The following DUS2 variants were observed in gnomAD, a reference collection of about 807,000 sequenced individuals.
DUS2 encodes the protein dihydrouridine synthase 2, also known as tRNA-dihydrouridine(20) synthase [NAD(P)+]-like.
Under a neutral mutation model 71.3 loss-of-function variants are expected in DUS2, and 52 were observed. That is an observed-to-expected ratio of 0.73 (90% CI 0.58 to 0.92). The LOEUF is 0.92. DUS2 is among the 40% of genes least tolerant of loss of function. The pLI, the probability that DUS2 is intolerant of heterozygous loss-of-function variation, is 0.00. For missense variants in DUS2, 558 were observed against 622.6 expected (o/e 0.90, Z 1.10); for synonymous variants, 204 against 227.8 (o/e 0.90, Z 0.94).
chr16:68,054,756 G>C lies in DUS2; in HGVS notation c.308+139G>C, dbSNP rs116124563. ...TTCTGTTTCCAGGTTAAGAGTGCCTGGTTTCCAGCCAGGTGCGGTGGCTCA... is the reference window on the plus strand; with the variant it reads ...TTCTGTTTCCAGGTTAAGAGTGCCTCGTTTCCAGCCAGGTGCGGTGGCTCA... On this transcript the variant is annotated intron_variant, in intron 6 of 16. Transcript: ENST00000565263. The C allele has an allele frequency of 1.2e-3, 1,328 of 1,067,468 alleles. 7 individuals carry two copies. In the African/African-American group the frequency reaches 0.018, roughly 15 times the overall value. The allele number at this position is 1,067,468 out of a possible 1,614,324, so 66.1% of individuals were successfully genotyped here.
Position 68,074,128 on chromosome 16 carries a change from A to C in DUS2, c.905A>C (p.His302Pro), listed in dbSNP as rs138890218. ...QLESPQGRLL[H>P]AAQSSREICE... is the part of the protein sequence containing the mutation. The stretch of plus-strand genomic sequence containing the variant: ...GAGTCGCCCCAGGGAAGGTTGCTCC[A>C]TGCTGCCCAGTCTTCCCGGGAAATT... Residue 302 changes from histidine to proline, a missense_variant, in exon 13 of 17, where the codon CAT (histidine) becomes CCT (proline). Coordinates refer to ENST00000565263, the MANE Select transcript of DUS2 (RefSeq NM_017803.5). 1.7e-4 allele frequency: 281 copies of C among 1,614,218 alleles called. 1 individual carries two copies. In the African/African-American group the frequency reaches 3.3e-3, roughly 19 times the overall value.
chr16:68,054,807 G>T (rs938191483), intron 6 of DUS2, among the ~76,000 whole-genome samples, 190 bp downstream of exon 6: 1 of 152,172 alleles, frequency 6.6e-6, no homozygotes. Flanking sequence ...CATTTTGGGA[G>T]GCTGAGGCAG....
At chr16:68,069,428 C>T (rs1206116687) in intron 10 of DUS2, among the ~76,000 whole-genome samples, 1 of 152,180 alleles carries the variant, frequency 6.6e-6, no homozygotes, top group East Asian at 1.9e-4. Context: ...GGGACATACT[C>T]AGACAAGAGC....
chr16:68,066,032 G>A (rs2151423643), intron 8 of DUS2, among the ~76,000 whole-genome samples: 1 of 152,270 alleles, frequency 6.6e-6, no homozygotes, highest in Middle Eastern at 3.4e-3. Context: ...GCTGCACACA[G>A]GTGTACACGC....
intron 8 of DUS2, 112 bp downstream of exon 8, chr16:68,061,225 C>A: frequency 8.6e-7 from 1 of 1,164,630 alleles, no homozygotes; most frequent in Non-Finnish European, 1.2e-6. Flanking sequence ...CCCAGTTTCT[C>A]TCCCTGAGGC....
Position 68,074,140 on chromosome 16 carries a change from C to T in DUS2, c.917C>T (p.Ser306Phe), listed in dbSNP as rs953935860. The change falls in exon 13 of 17, where the codon TCT (serine) becomes TTT (phenylalanine). Residue 306 changes from serine (S) to phenylalanine (F), a missense_variant. Ser to Phe is a radical substitution (Grantham distance 155). Coordinates refer to ENST00000565263, the MANE Select transcript of DUS2 (RefSeq NM_017803.5). Reference protein sequence around the residue: ...PQGRLLHAAQSSREICEAFGL... With the variant: ...PQGRLLHAAQFSREICEAFGL... ...GGAAGGTTGCTCCATGCTGCCCAGT[C>T]TTCCCGGGAAATTTGGTAAGAGGCA... 1 of 1,614,176 alleles carries T rather than the reference C, an allele frequency of 6.2e-7. No individual in the cohort carries two copies. The highest frequency in any genetic ancestry group is 8.5e-7 in the Non-Finnish European group (1 of 1,180,010).
intron 4 of DUS2, 94 bp downstream of exon 4, chr16:68,049,644 T>A: frequency 8.7e-7 from 1 of 1,152,134 alleles, no homozygotes; most frequent in Non-Finnish European, 1.3e-6. Context: ...GTGTCTTGCC[T>A]GGCTTCATTG....
At position 68,039,026 on chromosome 16, in the gene DUS2, C is replaced by T. The variant is rs373117752; in HGVS notation, c.126+877C>T. ...CCAGCCTGGGCAACGTAGTGAGACC[C>T]TGTCTCTACCAAAAAATAAAAATAT... On this transcript the variant is annotated intron_variant, in intron 3 of 16. Transcript: ENST00000565263. Among the ~76,000 whole-genome samples, 664 of 151,886 alleles carry T rather than the reference C, an allele frequency of 4.4e-3. 7 individuals are homozygous for T. The highest frequency in any genetic ancestry group is 0.015 in the African/African-American group (610 of 41,464).
intron 8 of DUS2, among the ~76,000 whole-genome samples, chr16:68,064,814 C>G (rs1389907461): frequency 6.6e-6 from 1 of 152,246 alleles, no homozygotes; most frequent in Non-Finnish European, 1.5e-5. Context: ...GCCTCTTGAT[C>G]TGATGTCTTC....
intron 2 of DUS2, among the ~76,000 whole-genome samples, chr16:68,034,035 T>G (rs963578596): frequency 6.6e-6 from 1 of 151,326 alleles, no homozygotes; most frequent in African/African-American, 2.4e-5. Context: ...CCCAAAGTGT[T>G]GGGATTATAG....
intron 8 of DUS2, among the ~76,000 whole-genome samples, chr16:68,065,449 G>A (rs1254810873): frequency 1.3e-5 from 2 of 151,850 alleles, no homozygotes; most frequent in Non-Finnish European, 2.9e-5. Flanking sequence ...AGGACTTTGG[G>A]AGGATAAAAC....
intron 2 of DUS2, among the ~76,000 whole-genome samples, chr16:68,029,807 A>G (rs115966692): frequency 0.027 from 4,030 of 151,768 alleles, 172 homozygotes; most frequent in African/African-American, 0.09. Flanking sequence ...TGACTTTCCA[A>G]ATTTGAATTT....
chr16:68,047,119 G>C (rs190291080), intron 3 of DUS2, among the ~76,000 whole-genome samples: 3 of 142,686 alleles, frequency 2.1e-5, no homozygotes, highest in Middle Eastern at 8.2e-3. Context: ...GCAGTGGTGC[G>C]GTCTTGGCTC....
chr16:68,075,566 C>T, intron 14 of DUS2, 62 bp downstream of exon 14: 1 of 1,503,138 alleles, frequency 6.7e-7, no homozygotes, highest in Non-Finnish European at 9.0e-7. Flanking sequence ...CCCACTGGGC[C>T]AGCACACTGG....
chr16:68,035,912 A>T (rs200157321), intron 2 of DUS2, among the ~76,000 whole-genome samples: 2 of 93,566 alleles, frequency 2.1e-5, no homozygotes, highest in African/African-American at 8.0e-5. Flanking sequence ...ATATATATAT[A>T]TATATATATA....
intron 15 of DUS2, 62 bp downstream of exon 15, chr16:68,076,781 C>A: frequency 1.4e-6 from 2 of 1,451,412 alleles, no homozygotes; most frequent in Non-Finnish European, 1.9e-6. Flanking sequence ...CTTACACCCT[C>A]AACTCTAGAT....
chr16:68,060,673 G>A (rs142050338), intron 7 of DUS2, among the ~76,000 whole-genome samples: 5,707 of 152,182 alleles, frequency 0.038, 117 homozygotes, highest in Middle Eastern at 0.15. Context: ...GTGAAACCCT[G>A]TCTCTACTAA....
At chr16:68,077,724 G>A (rs1376146303) in intron 15 of DUS2, among the ~76,000 whole-genome samples, 1 of 152,214 alleles carries the variant, frequency 6.6e-6, no homozygotes, top group African/African-American at 2.4e-5. Context: ...AGCCAATGGG[G>A]CACAGAATTG....
chr16:68,066,771 GA>G, intron 10 of DUS2, 135 bp downstream of exon 10: 2 of 859,256 alleles, frequency 2.3e-6, no homozygotes, highest in Non-Finnish European at 3.8e-6. Flanking sequence ...CTAGCTCTTT[GA>G]TATCTTATGA....
Sources: gnomAD v4.1 joint callset for allele counts (sites outside exome capture counted in the v4.1 genomes callset) on GRCh38, gnomAD v4.1.1 for gene constraint, MANE v1.5 for transcripts, NCBI Gene and HGNC (gene_info 2026-07-23, HGNC 2026-07-21) for gene names.